The following RORA variants were observed in gnomAD, a reference collection of about 807,000 sequenced individuals.
RORA encodes RAR related orphan receptor A.
In RORA, 7 loss-of-function variants were observed where a neutral mutation model predicts 69.5. The ratio of observed to expected loss-of-function variants is 0.10; its 90% CI spans 0.06 to 0.19. RORA has a LOEUF of 0.19. Among genes scored for constraint, RORA ranks in the 10% least tolerant of loss-of-function variants. RORA has a pLI of 1.00. For missense variants in RORA, 457 were observed against 663.0 expected, an observed-to-expected ratio of 0.69 and a Z score of 3.41; for synonymous variants, 261 against 240.8, an observed-to-expected ratio of 1.08 and a Z score of -0.78.
At chr15:60,984,951 C>A (rs531160986) in intron 1 of RORA, among the ~76,000 whole-genome samples, 1 of 152,148 alleles carries the variant, frequency 6.6e-6, no homozygotes, top group South Asian at 2.1e-4. Flanking sequence ...AAGATCTATG[C>A]TGTTTGGTTT....
At chr15:60,860,145 T>C (rs1411331132) in intron 1 of RORA, among the ~76,000 whole-genome samples, 1 of 152,190 alleles carries the variant, frequency 6.6e-6, no homozygotes, top group Non-Finnish European at 1.5e-5. Context: ...TCTGACTCAA[T>C]GGTCCGGATT....
intron 2 of RORA, among the ~76,000 whole-genome samples, chr15:60,581,798 T>C (rs889415514): frequency 2.6e-5 from 4 of 152,264 alleles, no homozygotes; most frequent in African/African-American, 9.6e-5. Flanking sequence ...TTTTTAAAGA[T>C]GCCAGGTCTC....
intron 1 of RORA, among the ~76,000 whole-genome samples, chr15:61,124,142 T>C (rs2079124663): frequency 6.6e-6 from 1 of 152,226 alleles, no homozygotes; most frequent in African/African-American, 2.4e-5. Flanking sequence ...GTCAGCCTCC[T>C]ACCTCTTAGC....
At chr15:60,605,756 T>C (rs1266728649) in intron 2 of RORA, among the ~76,000 whole-genome samples, 1 of 152,202 alleles carries the variant, frequency 6.6e-6, no homozygotes, top group African/African-American at 2.4e-5. Context: ...ATGATTATAT[T>C]ATATGAAACT....
chr15:60,804,326 A>C (rs1356541656), intron 1 of RORA, among the ~76,000 whole-genome samples: 1 of 147,402 alleles, frequency 6.8e-6, no homozygotes, highest in Non-Finnish European at 1.5e-5. Context: ...ACTAGTTAAC[A>C]CATGTTTGCT....
intron 2 of RORA, among the ~76,000 whole-genome samples, chr15:60,615,793 A>G (rs2069225910): frequency 6.6e-6 from 1 of 152,238 alleles, no homozygotes; most frequent in Non-Finnish European, 1.5e-5. Context: ...TGAGCAAGGA[A>G]TGACTGACGA....
At chr15:61,184,065 G>T (rs2079715524) in intron 1 of RORA, among the ~76,000 whole-genome samples, 1 of 152,146 alleles carries the variant, frequency 6.6e-6, no homozygotes, top group South Asian at 2.1e-4. Context: ...CATGTCCACA[G>T]AACTCAAAAA....
intron 3 of RORA, among the ~76,000 whole-genome samples, chr15:60,515,991 TTATA>T (rs377667443): frequency 8.6e-4 from 7 of 8,130 alleles, no homozygotes; most frequent in African/African-American, 2.5e-3. Flanking sequence ...TTATATATAT[TTATA>T]TATATTTATA....
intron 1 of RORA, among the ~76,000 whole-genome samples, chr15:60,917,102 C>A (rs1350002902): frequency 6.6e-6 from 1 of 152,160 alleles, no homozygotes; most frequent in Admixed American, 6.5e-5. Context: ...CATACTGCCA[C>A]CTGGTGGGGC....
chr15:60,715,897 T>A (rs368041221), intron 1 of RORA, among the ~76,000 whole-genome samples: 66 of 152,280 alleles, frequency 4.3e-4, no homozygotes, highest in Non-Finnish European at 6.8e-4. Context: ...CTACAATGAA[T>A]TATGTAAAAA....
intron 1 of RORA, among the ~76,000 whole-genome samples, chr15:60,857,857 G>C (rs541486681): frequency 6.6e-6 from 1 of 152,344 alleles, no homozygotes; most frequent in South Asian, 2.1e-4. Flanking sequence ...AGGTCTTACA[G>C]ATCACAGCCA....
intron 1 of RORA, among the ~76,000 whole-genome samples, chr15:60,974,835 G>A (rs1339730954): frequency 2.0e-5 from 3 of 152,214 alleles, no homozygotes; most frequent in Non-Finnish European, 4.4e-5. Flanking sequence ...GGCCCTCACA[G>A]CTTACAGAAC....
rs572733324 is a variant in RORA at position 60,878,805 on chromosome 15, G to A, written c.167-200119C>T. On this transcript the variant is annotated intron_variant, in intron 1 of 10. Coordinates refer to ENST00000335670, the MANE Select transcript of RORA (RefSeq NM_134261.3). ...TGTCTGAGGTAATGTCTTGCAGGGCGTTAGTTAAGGAAAAATTCCCATTAG... is the reference window on the plus strand; with the variant it reads ...TGTCTGAGGTAATGTCTTGCAGGGCATTAGTTAAGGAAAAATTCCCATTAG... Among the ~76,000 whole-genome samples the A allele has an allele frequency of 5.3e-5, 8 of 152,326 alleles. No homozygotes were observed. In the East Asian group the frequency reaches 7.7e-4, roughly 15 times the overall value.
rs898033497 is a variant in RORA at position 61,119,088 on chromosome 15, G to C, written c.166+109965C>G. Among the ~76,000 whole-genome samples, 12 of 127,026 alleles carry C rather than the reference G, an allele frequency of 9.4e-5. 2 individuals carry two copies. The highest frequency in any genetic ancestry group is 2.9e-4 in the African/African-American group (10 of 34,908). The allele number at this position is 127,026 out of a possible 152,430, so 83.3% of individuals were successfully genotyped here. A position where few individuals can be genotyped will look rare whatever the true frequency, so the allele number is the denominator to read the frequency against. ...GAAGATGCAGTTAACAGAAGGGGGG[G>C]GGGGGCGCCATGGAGCAGTCGTGTG... On this transcript the variant is annotated intron_variant, in intron 1 of 10. Transcript: ENST00000335670.
chr15:60,680,776 T>C (rs895553045), intron 1 of RORA, among the ~76,000 whole-genome samples: 1 of 152,242 alleles, frequency 6.6e-6, no homozygotes, highest in Non-Finnish European at 1.5e-5. Context: ...TTCTGTATTT[T>C]ATATGGCAGC....
rs187297437 is a variant in RORA at position 60,819,432 on chromosome 15, G to C, written c.167-140746C>G. On this transcript the variant is annotated intron_variant, in intron 1 of 10. Transcript: ENST00000335670. ...TAATACATCTCTCCTGAAAATACTA[G>C]GTAACTTAGCCTTTTCTTCATTCCT... Among the ~76,000 whole-genome samples, 705 of 152,288 alleles carry C rather than the reference G, an allele frequency of 4.6e-3. 3 individuals are homozygous for C. Among genetic ancestry groups the C allele is most frequent in the Non-Finnish European group, 7.7e-3 (523 of 68,020 alleles).
Position 60,592,270 on chromosome 15 carries a change from G to A in RORA, c.197-60419C>T, listed in dbSNP as rs192366802. 8,896 of 673,302 alleles carry A rather than the reference G, an allele frequency of 0.013. 616 individuals carry two copies. In the African/African-American group the frequency reaches 0.15, roughly 12 times the overall value. The allele number at this position is 673,302 out of a possible 1,614,324, so 41.7% of individuals were successfully genotyped here. Reference sequence around the variant, plus strand: ...AAGGCCCTGGCAGGGCCCCCGCGCCGAGCCCCGGGCAGTACGTGCGTTCGG... The same window carrying A: ...AAGGCCCTGGCAGGGCCCCCGCGCCAAGCCCCGGGCAGTACGTGCGTTCGG... On this transcript the variant is annotated intron_variant, in intron 2 of 10. Coordinates refer to ENST00000335670, the MANE Select transcript of RORA (RefSeq NM_134261.3).
At chr15:60,841,432 G>C (rs1051251351) in intron 1 of RORA, among the ~76,000 whole-genome samples, 1 of 152,186 alleles carries the variant, frequency 6.6e-6, no homozygotes. Context: ...GGCTCTCTCT[G>C]TCTCTCTCTC....
At chr15:60,556,921 C>CAGGA (rs2067379261) in intron 2 of RORA, 1 of 1,613,192 alleles carries the variant, frequency 6.2e-7, no homozygotes, top group Non-Finnish European at 8.5e-7. Context: ...ATTCTGCCTC[C>CAGGA]AGGAACACTT....
Sources: gnomAD v4.1 joint callset for allele counts (sites outside exome capture counted in the v4.1 genomes callset) on GRCh38, gnomAD v4.1.1 for gene constraint, MANE v1.5 for transcripts, NCBI Gene and HGNC (gene_info 2026-07-23, HGNC 2026-07-21) for gene names.